PLCG2: variants seen among roughly 807,000 people sequenced by gnomAD.
PLCG2 encodes 1-phosphatidylinositol 4,5-bisphosphate phosphodiesterase gamma-2.
Under a neutral mutation model 175.6 loss-of-function variants are expected in PLCG2, and 69 were observed. The ratio of observed to expected loss-of-function variants is 0.39; its 90% CI spans 0.32 to 0.48. The LOEUF (loss-of-function observed/expected upper bound fraction) is 0.48, where lower values mean the gene tolerates loss of function less well. Among genes scored for constraint, PLCG2 ranks in the 20% least tolerant of loss-of-function variants. The pLI is 0.91. For synonymous variants in PLCG2, 827 were observed against 624.0 expected, an observed-to-expected ratio of 1.33 and a Z score of -4.85; for missense variants, 1,798 against 1,650.9, an observed-to-expected ratio of 1.09 and a Z score of -1.54.
chr16:81,869,272 G>A lies in PLCG2; in HGVS notation c.538G>A (p.Ala180Thr). The stretch of plus-strand genomic sequence containing the variant: ...CCTGATCAACTTTAAAGTGAGCAGT[G>A]CCAAGTTCCTTAAAGATAAGTTTGT... Reference protein sequence around the residue: ...LPLINFKVSSAKFLKDKFVEI... With the variant: ...LPLINFKVSSTKFLKDKFVEI... Residue 180 changes from alanine (A) to threonine (T), a missense_variant, in exon 6 of 33, where the codon GCC becomes ACC. Physicochemically the swap from Ala to Thr is moderately conservative, Grantham distance 58. Coordinates refer to ENST00000564138, the MANE Select transcript of PLCG2 (RefSeq NM_002661.5). 1.2e-6 allele frequency: 2 copies of A among 1,613,464 alleles called. No homozygotes were observed. Among genetic ancestry groups the A allele is most frequent in the Admixed American group, 3.3e-5 (2 of 60,022 alleles).
intron 2 of PLCG2, among the ~76,000 whole-genome samples, chr16:81,838,864 T>A (rs747080888): frequency 9.3e-5 from 14 of 151,314 alleles, no homozygotes; most frequent in Non-Finnish European, 1.3e-4. Context: ...GCTCAAGGCT[T>A]TAAGCATGGG....
At chr16:81,775,703 C>A (rs1335733311), upstream of PLCG2, among the ~76,000 whole-genome samples, 1 of 152,134 alleles carries the variant, frequency 6.6e-6, no homozygotes, top group Admixed American at 6.6e-5. Context: ...ACACAGAATA[C>A]AAAGAGTCAA....
intron 31 of PLCG2, among the ~76,000 whole-genome samples, chr16:81,954,650 C>G (rs2143775239): frequency 6.6e-6 from 1 of 152,294 alleles, no homozygotes; most frequent in South Asian, 2.1e-4. Flanking sequence ...TCATCCATGT[C>G]CCTGCAAAGG....
In PLCG2 at chr16:81,880,893, T is replaced by C. The variant is rs1908045971; in HGVS notation, c.649-17T>C. On this transcript the variant is annotated splice_polypyrimidine_tract_variant and intron_variant, in intron 7 of 32. Coordinates refer to ENST00000564138, the MANE Select transcript of PLCG2 (RefSeq NM_002661.5). ...CTTGTCTAAGGTTCTTTTTTTTGTG[T>C]GTGCTTTCCATTTCAGATTCTCGAT... is the stretch of plus-strand genomic sequence containing the variant. 5 of 1,613,606 alleles carry C rather than the reference T, an allele frequency of 3.1e-6. No homozygotes were observed. The East Asian group carries it at 1.1e-4, about 36-fold the overall frequency.
At chr16:81,759,027 C>G (rs1909987600) in intron 2 of PLCG2, among the ~76,000 whole-genome samples, 1 of 152,128 alleles carries the variant, frequency 6.6e-6, no homozygotes, top group Non-Finnish European at 1.5e-5. Flanking sequence ...GAAGTGAAAC[C>G]TCATTATGGT....
intron 29 of PLCG2, 60 bp downstream of exon 29, chr16:81,938,975 G>C: frequency 1.0e-6 from 1 of 955,220 alleles, no homozygotes; most frequent in Non-Finnish European, 1.7e-6. Context: ...TCCTTTGTGG[G>C]AGTGCTCTTC....
At chr16:81,766,050 G>C (rs753529201) in intron 2 of PLCG2, among the ~76,000 whole-genome samples, 1 of 152,186 alleles carries the variant, frequency 6.6e-6, no homozygotes, top group Non-Finnish European at 1.5e-5. Context: ...ATGAGGCTTA[G>C]CCTTCCCAGG....
intron 19 of PLCG2, among the ~76,000 whole-genome samples, chr16:81,914,701 A>T (rs961980238): frequency 1.3e-5 from 2 of 152,222 alleles, no homozygotes; most frequent in African/African-American, 4.8e-5. Context: ...ATGGTCTGGC[A>T]GGGATGAGAG....
At chr16:81,807,322 C>T (rs549618922) in intron 2 of PLCG2, among the ~76,000 whole-genome samples, 2 of 152,292 alleles carry the variant, frequency 1.3e-5, no homozygotes, top group South Asian at 2.1e-4. Context: ...GGGCAGTGTG[C>T]ATCTCTGCGA....
At chr16:81,834,441 C>A (rs536062817) in intron 2 of PLCG2, among the ~76,000 whole-genome samples, 1 of 152,222 alleles carries the variant, frequency 6.6e-6, no homozygotes, top group South Asian at 2.1e-4. Flanking sequence ...AGGACTCAGA[C>A]CCCAGCTTGC....
intron 5 of PLCG2, among the ~76,000 whole-genome samples, chr16:81,868,190 G>A (rs1169106525): frequency 1.4e-4 from 21 of 152,178 alleles, no homozygotes; most frequent in Admixed American, 1.4e-3. Context: ...GGTCAACCAT[G>A]TGTACTTTGC....
In PLCG2 at chr16:81,958,699, G is replaced by C. The variant is rs1023429131; in HGVS notation, c.*701G>C. ...TAAAAAGCCCATCAGAGAGACCAGAGCCGTGCTGCAGGGGCAGGTTCTCAC... is the reference window on the plus strand; with the variant it reads ...TAAAAAGCCCATCAGAGAGACCAGACCCGTGCTGCAGGGGCAGGTTCTCAC... On this transcript the variant is annotated 3_prime_UTR_variant, in exon 33 of 33. Coordinates refer to ENST00000564138, the MANE Select transcript of PLCG2 (RefSeq NM_002661.5). 1 of 221,432 alleles carries C rather than the reference G, an allele frequency of 4.5e-6. No individual in the cohort carries two copies. The highest frequency in any genetic ancestry group is 2.2e-5 in the African/African-American group (1 of 44,668). 13.7% of individuals were successfully genotyped at this position (221,432 alleles called of 1,614,324 possible).
At chr16:81,823,103 A>G (rs901247574) in intron 2 of PLCG2, among the ~76,000 whole-genome samples, 1 of 152,260 alleles carries the variant, frequency 6.6e-6, no homozygotes, top group African/African-American at 2.4e-5. Flanking sequence ...GGCGAGGCCT[A>G]TGTTGGCTGT....
rs1909872031 is a variant in PLCG2, at chr16:81,917,006, A to T, written c.2055-2478A>T. Reference sequence around the variant, plus strand: ...CTCTTGCACTTACTCCTCTTGTCTAACTGAAATTTTGTATCCTTTGACCAA... The same window carrying T: ...CTCTTGCACTTACTCCTCTTGTCTATCTGAAATTTTGTATCCTTTGACCAA... On this transcript the variant is annotated intron_variant, in intron 19 of 32. Coordinates refer to ENST00000564138, the MANE Select transcript of PLCG2 (RefSeq NM_002661.5). 3.3e-5 allele frequency among the ~76,000 whole-genome samples: 5 copies of T among 152,132 alleles called. No individual in the cohort carries two copies. The South Asian group carries it at 1.0e-3, about 32-fold the overall frequency.
In PLCG2 at chr16:81,962,645, C is replaced by T. The variant is rs1911818467; in HGVS notation, c.*4647C>T. 1 of 221,010 alleles carries T rather than the reference C, an allele frequency of 4.5e-6. No individual in the cohort carries two copies. The highest frequency in any genetic ancestry group is 9.0e-6 in the Non-Finnish European group (1 of 110,508). The allele number at this position is 221,010 out of a possible 1,614,324, so 13.7% of individuals were successfully genotyped here. On this transcript the variant is annotated 3_prime_UTR_variant, in exon 33 of 33. Transcript: ENST00000564138. ...TGTTGTTAATGTGAAAATTAAACAG[C>T]TGTATCACATTTTGAAAAATAAAAG...
Position 81,807,908 on chromosome 16 carries a change from G to C in PLCG2, c.193+21726G>C, listed in dbSNP as rs549203684. On this transcript the variant is annotated intron_variant, in intron 2 of 32. Coordinates refer to ENST00000564138, the MANE Select transcript of PLCG2 (RefSeq NM_002661.5). ...ATCTCTCAAGAACTCACTGAATATT[G>C]CAAGGACAGCACCAAGAGATGGTGC... Among the ~76,000 whole-genome samples, 62 of 152,242 alleles carry C rather than the reference G, an allele frequency of 4.1e-4. 1 individual carries two copies. Among genetic ancestry groups the C allele is most frequent in the African/African-American group, 1.4e-3 (60 of 41,544 alleles).
At chr16:81,893,827 C>CACTTGA in intron 12 of PLCG2, 33 bp downstream of exon 12, 1 of 1,389,866 alleles carries the variant, frequency 7.2e-7, no homozygotes, top group Non-Finnish European at 1.0e-6. Flanking sequence ...AGGTCAGGCT[C>CACTTGA]GCAGCAAATT....
intron 31 of PLCG2, among the ~76,000 whole-genome samples, chr16:81,954,580 A>G (rs1472353925): frequency 1.3e-5 from 2 of 152,222 alleles, no homozygotes; most frequent in East Asian, 3.9e-4. Context: ...GTGAGAACAT[A>G]TGGTATTTGG....
chr16:81,796,530 T>G (rs144790218), intron 2 of PLCG2, among the ~76,000 whole-genome samples: 248 of 152,346 alleles, frequency 1.6e-3, no homozygotes, highest in African/African-American at 5.6e-3. Context: ...TGTTACGGAT[T>G]GAATTGTCCT....
Sources: gnomAD v4.1 joint callset for allele counts (sites outside exome capture counted in the v4.1 genomes callset) on GRCh38, gnomAD v4.1.1 for gene constraint, MANE v1.5 for transcripts, NCBI Gene and HGNC (gene_info 2026-07-23, HGNC 2026-07-21) for gene names.